The following ZNF559 variants were observed in gnomAD, a reference collection of about 807,000 sequenced individuals.
ZNF559 encodes the protein zinc finger protein 559.
Under a neutral mutation model 14.2 loss-of-function variants are expected in ZNF559, and 17 were observed. The observed-to-expected ratio is 1.20, with a 90% confidence interval of 0.82 to 1.80. The LOEUF (loss-of-function observed/expected upper bound fraction) is 1.80, where lower values mean the gene tolerates loss of function less well. Ranked by LOEUF, ZNF559 falls within the 40% of genes most tolerant of loss-of-function variation. The probability of loss-of-function intolerance (pLI) is 0.00; values close to 1 mark genes in which losing one functional copy is unlikely to be tolerated. For missense variants in ZNF559, 740 were observed against 629.7 expected (o/e 1.18, Z -1.88); for synonymous variants, 244 against 212.4 (o/e 1.15, Z -1.29).
At chr19:9,337,654 A>G (rs2067314405) in intron 2 of ZNF559, 142 bp from the exon 3 acceptor site, 1 of 425,934 alleles carries the variant, frequency 2.3e-6, no homozygotes, top group South Asian at 3.4e-5. Context: ...GATAGTAACA[A>G]AAACTGCTTT....
intron 5 of ZNF559, among the ~76,000 whole-genome samples, chr19:9,339,753 T>G (rs914305755): frequency 1.4e-5 from 2 of 144,418 alleles, no homozygotes; most frequent in Non-Finnish European, 3.0e-5. Context: ...TTGTTATCCC[T>G]TGCACATTCT....
In ZNF559 at chr19:9,343,337, C is replaced by G; in HGVS notation, c.*269C>G. ...AACGTAGGAAACCTGTCGATGCTTA[C>G]ATCTTACTGAGTCTGTTTGAACTCA... On this transcript the variant is annotated 3_prime_UTR_variant, in exon 7 of 7. Coordinates refer to ENST00000603380, the MANE Select transcript of ZNF559 (RefSeq NM_032497.3). The G allele has an allele frequency of 2.5e-6, 3 of 1,218,998 alleles. No individual in the cohort carries two copies. Among genetic ancestry groups the G allele is most frequent in the Non-Finnish European group, 3.1e-6 (3 of 973,006 alleles). 75.5% of individuals were successfully genotyped at this position (1,218,998 alleles called of 1,614,324 possible). A position where few individuals can be genotyped will look rare whatever the true frequency, so the allele number is the denominator to read the frequency against.
At position 9,342,156 on chromosome 19, in the gene ZNF559, A is replaced by G. The variant is rs768043896; in HGVS notation, c.705A>G (p.Gln235=). The change falls in exon 7 of 7, where the codon CAA becomes CAG. Residue 235 remains glutamine, a synonymous_variant. Coordinates refer to ENST00000603380, the MANE Select transcript of ZNF559 (RefSeq NM_032497.3). ...STALFVHMQT[Q]DGEKFYECKA... Reference sequence around the variant, plus strand: ...CCCTTTTTGTACACATGCAAACTCAAGATGGAGAAAAATTCTATGAATGTA... The same window carrying G: ...CCCTTTTTGTACACATGCAAACTCAGGATGGAGAAAAATTCTATGAATGTA... 2 of 1,612,366 alleles carry G rather than the reference A, an allele frequency of 1.2e-6. No homozygotes were observed. The highest frequency in any genetic ancestry group is 3.4e-5 in the Admixed American group (2 of 59,522).
chr19:9,332,306 T>TATCCCA (rs1392610302), intron 2 of ZNF559, among the ~76,000 whole-genome samples: 26 of 152,068 alleles, frequency 1.7e-4, no homozygotes, highest in African/African-American at 6.3e-4. Flanking sequence ...TGTTCTAACT[T>TATCCCA]GATGTATTAT....
chr19:9,334,196 A>G (rs945555541), intron 2 of ZNF559, among the ~76,000 whole-genome samples: 3 of 152,252 alleles, frequency 2.0e-5, no homozygotes, highest in Non-Finnish European at 4.4e-5. Context: ...TGAATAAACC[A>G]TGCTATACTG....
intron 2 of ZNF559, among the ~76,000 whole-genome samples, chr19:9,335,545 C>A (rs991466492): frequency 1.3e-5 from 2 of 152,078 alleles, no homozygotes; most frequent in South Asian, 4.1e-4. Flanking sequence ...CATACATTTT[C>A]TTTTTTCTTC....
Position 9,342,223 on chromosome 19 carries a change from C to T in ZNF559, c.772C>T (p.Gln258Ter). 2 of 1,589,926 alleles carry T rather than the reference C, an allele frequency of 1.3e-6. No homozygotes were observed. Among genetic ancestry groups the T allele is most frequent in the South Asian group, 1.2e-5 (1 of 86,246 alleles). The change falls in exon 7 of 7, where the codon CAA (glutamine) becomes TAA (stop). Residue 258 changes from glutamine to a stop codon, truncating the protein, a stop_gained. Coordinates refer to ENST00000603380, the MANE Select transcript of ZNF559 (RefSeq NM_032497.3). LOFTEE classifies it low-confidence loss of function (END_TRUNC). ...CTTCACTGAGTCGTCATATCTTACT[C>T]AACATTTAAGAACTCATAGTAGAGT... ...KPFTESSYLT[Q>*]HLRTHSRVLP...
rs1398723702 is a variant in ZNF559, at chr19:9,343,769, T to C, written c.*701T>C. On this transcript the variant is annotated 3_prime_UTR_variant, in exon 7 of 7. Transcript: ENST00000603380. ...AAAAAGTCACACTAGAGGAATGCCA[T>C]ATCAGAATGCTTTTGGTAAATATAC... 2.0e-6 allele frequency: 2 copies of C among 985,544 alleles called. No homozygotes were observed. The highest frequency in any genetic ancestry group is 2.3e-4 in the East Asian group (2 of 8,832). The allele number at this position is 985,544 out of a possible 1,614,324, so 61.0% of individuals were successfully genotyped here.
intron 2 of ZNF559, among the ~76,000 whole-genome samples, chr19:9,330,888 G>A (rs2066901908): frequency 1.3e-5 from 2 of 152,140 alleles, no homozygotes; most frequent in African/African-American, 4.8e-5. Context: ...TTGCTTTGCT[G>A]TCTGTGCACT....
Position 9,344,920 on chromosome 19 carries a change from C to T in ZNF559, c.*1852C>T, listed in dbSNP as rs1474570191. On this transcript the variant is annotated 3_prime_UTR_variant, in exon 7 of 7. Transcript: ENST00000603380. Reference sequence around the variant, plus strand: ...CATACACTTTAAGTTTGGACACATACACATATGTGTACATACACACCATCA... The same window carrying T: ...CATACACTTTAAGTTTGGACACATATACATATGTGTACATACACACCATCA... The T allele has an allele frequency of 2.0e-5, 3 of 152,178 alleles. No homozygotes were observed. The highest frequency in any genetic ancestry group is 2.0e-4 in the Admixed American group (3 of 15,272). 9.4% of individuals were successfully genotyped at this position (152,178 alleles called of 1,614,324 possible).
At chr19:9,336,149 A>C (rs1351031502) in intron 2 of ZNF559, among the ~76,000 whole-genome samples, 1 of 152,088 alleles carries the variant, frequency 6.6e-6, no homozygotes. Context: ...CAAGTGTCTT[A>C]TGGTTATTTT....
chr19:9,337,735 T>C, intron 2 of ZNF559, 61 bp from the exon 3 acceptor site: 1 of 1,241,750 alleles, frequency 8.1e-7, no homozygotes, highest in Admixed American at 3.2e-5. Flanking sequence ...TTTGTTATTA[T>C]TTATGTCCAC....
At chr19:9,325,644 T>G (rs897662790) in intron 2 of ZNF559, among the ~76,000 whole-genome samples, 1 of 151,784 alleles carries the variant, frequency 6.6e-6, no homozygotes, top group African/African-American at 2.4e-5. Flanking sequence ...TACAAAAAAT[T>G]AGCCGGGCGT....
At chr19:9,332,479 C>T (rs2066990849) in intron 2 of ZNF559, among the ~76,000 whole-genome samples, 1 of 152,138 alleles carries the variant, frequency 6.6e-6, no homozygotes, top group Non-Finnish European at 1.5e-5. Context: ...GATTTATCTT[C>T]ACCCCTTTGC....
At chr19:9,339,392 C>T in intron 5 of ZNF559, 73 bp downstream of exon 5, 3 of 1,500,584 alleles carry the variant, frequency 2.0e-6, no homozygotes, top group Non-Finnish European at 2.7e-6. Context: ...ATGTTCTAGA[C>T]TCTGCTTGTT....
In ZNF559 at chr19:9,328,114, GTATCTCT is replaced by G. The variant is rs371882674; in HGVS notation, c.-120+3345_-120+3351del. Among the ~76,000 whole-genome samples, 71 of 152,092 alleles carry G rather than the reference GTATCTCT, an allele frequency of 4.7e-4. 1 individual carries two copies. Among genetic ancestry groups the G allele is most frequent in the African/African-American group, 1.6e-3 (68 of 41,484 alleles). ...AGGTTTTTTGTTTTTCCTTATGTTT[GTATCTCT>G]TATCTCTTATAATAAAGACCTTGAC... On this transcript the variant is annotated intron_variant, in intron 2 of 6. Transcript: ENST00000603380.
At chr19:9,331,713 T>G (rs1368706996) in intron 2 of ZNF559, among the ~76,000 whole-genome samples, 5 of 152,226 alleles carry the variant, frequency 3.3e-5, no homozygotes, top group African/African-American at 1.2e-4. Context: ...CTAGGGTTGC[T>G]TGCAATTATT....
chr19:9,324,562 G>T (rs2066463606), intron 1 of ZNF559, 133 bp from the exon 2 acceptor site: 1 of 1,190,694 alleles, frequency 8.4e-7, no homozygotes, highest in Non-Finnish European at 1.1e-6. Flanking sequence ...GGGCGGATTG[G>T]GTAGGAGGAT....
chr19:9,342,144 C>A lies in ZNF559; in HGVS notation c.693C>A (p.His231Gln). 1 of 1,613,254 alleles carries A rather than the reference C, an allele frequency of 6.2e-7. No individual in the cohort carries two copies. Among genetic ancestry groups the A allele is most frequent in the Non-Finnish European group, 8.5e-7 (1 of 1,179,752 alleles). ...CTCATTCTACAGCCCTTTTTGTACA[C>A]ATGCAAACTCAAGATGGAGAAAAAT... ...TFSHSTALFV[H>Q]MQTQDGEKFY... Residue 231 changes from histidine (H) to glutamine (Q), a missense_variant, in exon 7 of 7, where the codon CAC becomes CAA. By Grantham distance (24) the His-to-Gln change is conservative (BLOSUM62 0). Transcript: ENST00000603380.
Sources: allele counts gnomAD v4.1 joint callset (sites outside exome capture counted in the v4.1 genomes callset), GRCh38; gene constraint gnomAD v4.1.1; transcripts MANE v1.5; gene names NCBI Gene and HGNC (gene_info 2026-07-23, HGNC 2026-07-21).